Variants in MTA3 observed in about 807,000 individuals in gnomAD.
MTA3 encodes the protein metastasis-associated protein MTA3.
In MTA3, 34 loss-of-function variants were observed where a neutral mutation model predicts 83.5. The observed-to-expected ratio is 0.41, with a 90% CI of 0.31 to 0.54. MTA3 has a LOEUF of 0.54. Ranked by LOEUF, MTA3 falls within the 20% of genes least tolerant of loss-of-function variation. The pLI is 0.33. For synonymous variants in MTA3, 303 were observed against 252.7 expected, an observed-to-expected ratio of 1.20 and a Z score of -1.89; for missense variants, 761 against 726.4, an observed-to-expected ratio of 1.05 and a Z score of -0.55.
intron 6 of MTA3, among the ~76,000 whole-genome samples, chr2:42,646,703 T>A (rs1031455987): frequency 1.6e-4 from 24 of 152,184 alleles, no homozygotes; most frequent in African/African-American, 5.1e-4. Context: ...GAGTAGTCGA[T>A]TCTTATGGAT....
chr2:42,627,008 T>C (rs1686171787), intron 4 of MTA3, among the ~76,000 whole-genome samples: 1 of 152,244 alleles, frequency 6.6e-6, no homozygotes, highest in African/African-American at 2.4e-5. Context: ...CCCAAAGTGC[T>C]GGGATTACAG....
chr2:42,638,977 A>C (rs1687448929), intron 4 of MTA3, among the ~76,000 whole-genome samples: 1 of 148,476 alleles, frequency 6.7e-6, no homozygotes, highest in Non-Finnish European at 1.5e-5. Context: ...TTAGTATTTT[A>C]TTTTGCTCTT....
chr2:42,645,511 T>A (rs186337201), intron 6 of MTA3, among the ~76,000 whole-genome samples: 22 of 146,484 alleles, frequency 1.5e-4, no homozygotes, highest in Admixed American at 8.5e-4. Flanking sequence ...GGCAACAGAG[T>A]GAGACTTTGT....
intron 16 of MTA3, among the ~76,000 whole-genome samples, chr2:42,733,926 T>A (rs1198939086): frequency 6.6e-6 from 1 of 152,218 alleles, no homozygotes; most frequent in Non-Finnish European, 1.5e-5. Context: ...ATATAAATTT[T>A]TAAAGACTGT....
intron 9 of MTA3, among the ~76,000 whole-genome samples, chr2:42,691,129 G>A (rs758584627): frequency 3.3e-5 from 5 of 151,120 alleles, no homozygotes; most frequent in African/African-American, 7.3e-5. Context: ...CGCCCGCCTC[G>A]GCCTCCCAAA....
chr2:42,749,676 C>G (rs1669718694), intron 16 of MTA3, among the ~76,000 whole-genome samples: 1 of 152,192 alleles, frequency 6.6e-6, no homozygotes, highest in East Asian at 1.9e-4. Flanking sequence ...TCGTGTTGGC[C>G]AGGCTGGTCT....
chr2:42,619,304 C>CA (rs1433049064), intron 4 of MTA3, among the ~76,000 whole-genome samples: 2 of 152,080 alleles, frequency 1.3e-5, no homozygotes, highest in African/African-American at 4.8e-5. Context: ...TTGGAATAGA[C>CA]AAAGATTTCT....
intron 7 of MTA3, among the ~76,000 whole-genome samples, chr2:42,658,931 C>CA (rs528285589): frequency 0.065 from 6,677 of 102,074 alleles, 363 homozygotes; most frequent in African/African-American, 0.18. Flanking sequence ...TTTAATTAGC[C>CA]AAAAAAAAAA....
At chr2:42,660,725 T>C (rs781166404) in intron 8 of MTA3, among the ~76,000 whole-genome samples, 2 of 152,270 alleles carry the variant, frequency 1.3e-5, no homozygotes, top group Non-Finnish European at 2.9e-5. Context: ...AGTTTCAATA[T>C]TGTTTTCTAA....
chr2:42,556,108 C>A (rs1677379182), intron 2 of MTA3, among the ~76,000 whole-genome samples: 1 of 151,040 alleles, frequency 6.6e-6, no homozygotes, highest in African/African-American at 2.4e-5. Context: ...AAAAAACAAA[C>A]AAAAAAAGAG....
chr2:42,635,024 A>G (rs1687049140), intron 4 of MTA3, among the ~76,000 whole-genome samples: 1 of 152,164 alleles, frequency 6.6e-6, no homozygotes, highest in Non-Finnish European at 1.5e-5. Flanking sequence ...GTCTTCTAAA[A>G]ATGTAAAAGT....
intron 14 of MTA3, among the ~76,000 whole-genome samples, chr2:42,716,044 G>C (rs1667003765): frequency 6.6e-6 from 1 of 152,128 alleles, no homozygotes; most frequent in Non-Finnish European, 1.5e-5. Context: ...TACAGGCTTT[G>C]GGTTGCTTCC....
At chr2:42,734,492 T>C (rs532186590) in intron 16 of MTA3, among the ~76,000 whole-genome samples, 1 of 118,606 alleles carries the variant, frequency 8.4e-6, no homozygotes, top group East Asian at 2.6e-4. Context: ...TTTTTTTTTT[T>C]AATCCATTCA....
chr2:42,599,340 A>G (rs867342996), intron 3 of MTA3, among the ~76,000 whole-genome samples: 1 of 152,112 alleles, frequency 6.6e-6, no homozygotes, highest in Non-Finnish European at 1.5e-5. Flanking sequence ...TGTAATCCCA[A>G]TCCCAGCACT....
intron 8 of MTA3, among the ~76,000 whole-genome samples, chr2:42,663,658 G>A (rs1324566156): frequency 2.6e-5 from 4 of 152,144 alleles, no homozygotes; most frequent in South Asian, 2.1e-4. Context: ...CCAACTATTC[G>A]TGAGGCTGAG....
At chr2:42,597,903 A>C (rs1436713172) in intron 3 of MTA3, among the ~76,000 whole-genome samples, 1 of 151,124 alleles carries the variant, frequency 6.6e-6, no homozygotes, top group African/African-American at 2.4e-5. Flanking sequence ...GCTGGTCTTG[A>C]ACTCCTGGGG....
chr2:42,514,531 C>G (rs947469265), intron 2 of MTA3, among the ~76,000 whole-genome samples: 1 of 150,614 alleles, frequency 6.6e-6, no homozygotes, highest in Non-Finnish European at 1.5e-5. Flanking sequence ...TTACAGGCGC[C>G]CACCACCACA....
intron 2 of MTA3, among the ~76,000 whole-genome samples, chr2:42,547,173 T>G (rs1676796394): frequency 6.6e-6 from 1 of 152,146 alleles, no homozygotes; most frequent in Non-Finnish European, 1.5e-5. Context: ...TCAGCTGAAT[T>G]AAATGAACAA....
intron 6 of MTA3, among the ~76,000 whole-genome samples, chr2:42,650,093 A>G (rs1413888475): frequency 6.6e-6 from 1 of 152,206 alleles, no homozygotes; most frequent in African/African-American, 2.4e-5. Context: ...AATGTAGTGG[A>G]TAGTCGTTAA....
Sources: gnomAD v4.1 joint callset for allele counts (sites outside exome capture counted in the v4.1 genomes callset) on GRCh38, gnomAD v4.1.1 for gene constraint, MANE v1.5 for transcripts, NCBI Gene and HGNC (gene_info 2026-07-23, HGNC 2026-07-21) for gene names.